ITFG2: variants seen among roughly 807,000 people sequenced by gnomAD.
The protein encoded by ITFG2 is integrin alpha FG-GAP repeat containing 2.
In ITFG2, 36 loss-of-function variants were observed where a neutral mutation model predicts 54.4. The ratio of observed to expected loss-of-function variants is 0.66; its 90% CI spans 0.51 to 0.87. The LOEUF (loss-of-function observed/expected upper bound fraction) is 0.87. Among genes scored for constraint, ITFG2 ranks in the 40% least tolerant of loss-of-function variants. ITFG2 has a pLI of 0.00. For synonymous variants in ITFG2, 211 were observed against 225.4 expected (o/e 0.94, Z 0.57); for missense variants, 524 against 576.7 (o/e 0.91, Z 0.94).
At chr12:2,859,501 T>G in intron 3 of ITFG2, 1 of 1,613,984 alleles carries the variant, frequency 6.2e-7, no homozygotes, top group East Asian at 2.2e-5. Context: ...TCCACTTTGA[T>G]GGGTCTCGCT....
intron 5 of ITFG2, 98 bp from the exon 6 acceptor site, chr12:2,820,626 C>A: frequency 2.7e-6 from 1 of 364,336 alleles, no homozygotes; most frequent in Admixed American, 3.7e-5. Context: ...TGCCCTGCCC[C>A]TGCCCCCGCC....
intron 1 of ITFG2, among the ~76,000 whole-genome samples, chr12:2,813,846 T>G (rs1162527551): frequency 6.6e-6 from 1 of 152,222 alleles, no homozygotes; most frequent in African/African-American, 2.4e-5. Flanking sequence ...AAAGAGTTAT[T>G]CTCATAAATT....
chr12:2,855,075 G>A (rs1369054667), intron 2 of ITFG2: 1 of 1,536,082 alleles, frequency 6.5e-7, no homozygotes, highest in Non-Finnish European at 8.7e-7. Flanking sequence ...TCAGGAAGCT[G>A]TTTTGCCCCA....
downstream of ITFG2, chr12:2,826,927 T>C (rs1424689756): frequency 8.2e-7 from 1 of 1,223,028 alleles, no homozygotes; most frequent in African/African-American, 1.6e-5. Context: ...GGTTCCTATC[T>C]GTGGTCTTGA....
At chr12:2,835,383 G>T, upstream of ITFG2, 1 of 241,044 alleles carries the variant, frequency 4.1e-6, no homozygotes, top group Admixed American at 5.8e-5. Context: ...TTTTCTCCTG[G>T]CATTATCTGC....
At chr12:2,815,964 A>G (rs894049418) in intron 1 of ITFG2, among the ~76,000 whole-genome samples, 6 of 152,060 alleles carry the variant, frequency 3.9e-5, no homozygotes, top group African/African-American at 1.4e-4. Context: ...TCCTGAGCTC[A>G]AGTGATCCTC....
rs143894852 is a variant in ITFG2, at chr12:2,822,904, C to T, written c.1059C>T (p.Phe353=). The T allele has an allele frequency of 2.9e-5, 46 of 1,613,606 alleles. No individual in the cohort carries two copies. The African/African-American group carries it at 5.5e-4, about 19-fold the overall frequency. The change falls in exon 10 of 12, where the codon TTC becomes TTT. Residue 353 remains phenylalanine, a synonymous_variant. Transcript: ENST00000228799. ...AAGTGGATGAAAATATCCGTGCCTT[C>T]TGTGCAGGTGACCCCCGCCCCCATG... is the stretch of plus-strand genomic sequence containing the variant. ...RFQVDENIRA[F]CAGLYACKEG...
rs754241888 is a variant in ITFG2, at chr12:2,821,758, A to G, written c.914A>G (p.His305Arg). Residue 305 changes from histidine to arginine, a missense_variant, in exon 9 of 12, where the codon CAC becomes CGC. Physicochemically the swap from His to Arg is conservative, Grantham distance 29 (BLOSUM62 0). Transcript: ENST00000228799. ...CTGCTGTGGTCAGTGCAGGTGGATC[A>G]CCAGCTCTTTGCCCTGGAGAAACTG... ...DKLLWSVQVD[H>R]QLFALEKLDV... 6.2e-7 allele frequency: 1 copy of G among 1,614,100 alleles called. No homozygotes were observed. The highest frequency in any genetic ancestry group is 1.1e-5 in the South Asian group (1 of 91,086).
Position 2,817,206 on chromosome 12 carries a change from T to C in ITFG2, c.97-17T>C. 1.3e-6 allele frequency: 2 copies of C among 1,578,386 alleles called. No individual in the cohort carries two copies. The highest frequency in any genetic ancestry group is 1.7e-6 in the Non-Finnish European group (2 of 1,148,666). On this transcript the variant is annotated splice_polypyrimidine_tract_variant and intron_variant, in intron 1 of 11. Coordinates refer to ENST00000228799, the MANE Select transcript of ITFG2 (RefSeq NM_018463.4). ...GCAGAGTCCCATCCTAACGCTTTCT[T>C]CTCTCTCCATTTGAAGTTAAATGAA...
chr12:2,856,970 T>C, intron 2 of ITFG2: 1 of 703,066 alleles, frequency 1.4e-6, no homozygotes, highest in South Asian at 1.5e-5. Context: ...GGAAAGGTTC[T>C]TCCATATGAG....
At chr12:2,858,814 C>T (rs778481065) in intron 3 of ITFG2, 1 of 1,614,154 alleles carries the variant, frequency 6.2e-7, no homozygotes, top group Non-Finnish European at 8.5e-7. Context: ...ACCTGTGGCT[C>T]CGGGGAGCCT....
Position 2,821,301 on chromosome 12 carries a change from A to T in ITFG2, c.735A>T (p.Thr245=), listed in dbSNP as rs753298913. The T allele has an allele frequency of 9.9e-6, 16 of 1,610,096 alleles. No individual in the cohort carries two copies. Among genetic ancestry groups the T allele is most frequent in the African/African-American group, 1.3e-5 (1 of 74,836 alleles). The change falls in exon 7 of 12, where the codon ACA becomes ACT. Residue 245 remains threonine (T), a synonymous_variant. Transcript: ENST00000228799. ...CCCGAGACGTGGTGCTGCACCAGAC[A>T]TCTGGCCGTATCCACAACAAGAATG... The part of the protein sequence containing the change: ...PAARDVVLHQ[T]SGRIHNKNVS...
downstream of ITFG2, chr12:2,827,104 G>A: frequency 6.4e-7 from 1 of 1,564,116 alleles, no homozygotes; most frequent in South Asian, 1.2e-5. The surrounding 1 kb of genome is among the most constrained non-coding windows in gnomAD (Gnocchi z 4.0). Context: ...TGGAAGGGCA[G>A]ACACCATAGT....
intron 2 of ITFG2, among the ~76,000 whole-genome samples, chr12:2,841,719 A>AT (rs113410637): frequency 1.6e-3 from 233 of 147,510 alleles, no homozygotes; most frequent in Admixed American, 3.6e-3. Context: ...CTTTATATTG[A>AT]TTTTTTTTTT....
At chr12:2,822,606 A>G (rs1603483216) in intron 9 of ITFG2, among the ~76,000 whole-genome samples, 188 bp from the exon 10 acceptor site, 1 of 152,134 alleles carries the variant, frequency 6.6e-6, no homozygotes, top group East Asian at 1.9e-4. Flanking sequence ...TATTTCTATG[A>G]GCTGAGGTTT....
chr12:2,833,781 T>G (rs1310438574), upstream of ITFG2, among the ~76,000 whole-genome samples: 1 of 152,216 alleles, frequency 6.6e-6, no homozygotes, highest in African/African-American at 2.4e-5. Context: ...CTGTTCTAAG[T>G]GCTTTAAATA....
At chr12:2,851,081 C>T (rs993212453) in intron 2 of ITFG2, among the ~76,000 whole-genome samples, 1 of 140,884 alleles carries the variant, frequency 7.1e-6, no homozygotes, top group Non-Finnish European at 1.5e-5. Flanking sequence ...CCAGGAGAAT[C>T]GCTTGAACCC....
chr12:2,827,995 G>A (rs542515422), downstream of ITFG2: 16 of 1,614,190 alleles, frequency 9.9e-6, no homozygotes, highest in South Asian at 8.8e-5. The surrounding 1 kb of genome is among the most constrained non-coding windows in gnomAD (Gnocchi z 4.0). Flanking sequence ...ACCTGGGTTG[G>A]GGGCCCAGGG....
At chr12:2,852,266 T>C (rs2098073473) in intron 2 of ITFG2, among the ~76,000 whole-genome samples, 1 of 152,198 alleles carries the variant, frequency 6.6e-6, no homozygotes, top group South Asian at 2.1e-4. Context: ...GTCATGGAGA[T>C]ACCATACTAA....
Sources: gnomAD v4.1 joint callset for allele counts (sites outside exome capture counted in the v4.1 genomes callset) on GRCh38, gnomAD v4.1.1 for gene constraint, Gnocchi (gnomAD v3.1) non-coding constraint, MANE v1.5 for transcripts, NCBI Gene and HGNC (gene_info 2026-07-23, HGNC 2026-07-21) for gene names.